RPN2: variants seen among roughly 807,000 people sequenced by gnomAD.
RPN2 encodes ribophorin II.
RPN2 carries 29 observed loss-of-function variants against 71.4 expected under a neutral mutation model. The observed-to-expected ratio is 0.41, with a 90% CI of 0.30 to 0.55. The LOEUF is 0.55. RPN2 is among the 20% of genes least tolerant of loss of function. The pLI is 0.35. For missense variants in RPN2, 726 were observed against 774.1 expected, an observed-to-expected ratio of 0.94 and a Z score of 0.74; for synonymous variants, 308 against 305.0, an observed-to-expected ratio of 1.01 and a Z score of -0.10.
chr20:37,200,331 C>G (rs963069747), intron 4 of RPN2: 34 of 364,718 alleles, frequency 9.3e-5, no homozygotes, highest in Non-Finnish European at 1.6e-4. Context: ...TGGGGCCTGT[C>G]TGTGTTGTCC....
intron 9 of RPN2, among the ~76,000 whole-genome samples, chr20:37,217,162 G>A (rs560320477): frequency 4.0e-4 from 60 of 151,390 alleles, no homozygotes; most frequent in Admixed American, 9.9e-4. Context: ...GAACTCCTGG[G>A]CTCAAGCGAT....
intron 6 of RPN2, among the ~76,000 whole-genome samples, chr20:37,205,634 A>G (rs2067495179): frequency 1.3e-5 from 2 of 152,160 alleles, no homozygotes; most frequent in African/African-American, 4.8e-5. Context: ...TCTTTAAGTA[A>G]ATAGTTATCT....
chr20:37,199,445 C>T (rs552994576), intron 4 of RPN2, among the ~76,000 whole-genome samples: 2 of 152,330 alleles, frequency 1.3e-5, no homozygotes, highest in East Asian at 3.9e-4. Flanking sequence ...CTGCAAGCCT[C>T]GCAGACAGAA....
At chr20:37,235,049 T>C (rs1330758999) in intron 15 of RPN2, among the ~76,000 whole-genome samples, 3 of 152,184 alleles carry the variant, frequency 2.0e-5, no homozygotes, top group African/African-American at 7.2e-5. Context: ...AGTAAACAGA[T>C]TCTGTAGGGG....
In RPN2 at chr20:37,236,658, G is replaced by A. The variant is rs775307113; in HGVS notation, c.1832G>A (p.Ser611Asn). 4 of 1,614,066 alleles carry A rather than the reference G, an allele frequency of 2.5e-6. No homozygotes were observed. The highest frequency in any genetic ancestry group is 1.3e-5 in the African/African-American group (1 of 74,958). Residue 611 changes from serine (S) to asparagine (N), a missense_variant, in exon 16 of 17, where the codon AGT (serine) becomes AAT (asparagine). Coordinates refer to ENST00000237530, the MANE Select transcript of RPN2 (RefSeq NM_002951.5). Reference protein sequence around the residue: ...QTLKYLAILGSVTFLAGNRML... With the variant: ...QTLKYLAILGNVTFLAGNRML... ...TTGAAGTACCTGGCCATCCTGGGCA[G>A]TGTGACGTTTCTGGCTGGCAATCGG...
intron 1 of RPN2, among the ~76,000 whole-genome samples, chr20:37,180,353 G>A (rs2066828653): frequency 6.6e-6 from 1 of 152,188 alleles, no homozygotes; most frequent in African/African-American, 2.4e-5. Context: ...TTACTTTCCT[G>A]GTCTGTGAAA....
intron 6 of RPN2, among the ~76,000 whole-genome samples, chr20:37,205,710 G>A (rs748801805): frequency 8.5e-5 from 13 of 152,136 alleles, no homozygotes; most frequent in Non-Finnish European, 1.6e-4. Context: ...TCATGTGTTT[G>A]CATTCTTTTT....
chr20:37,194,995 G>A (rs1417675802), intron 2 of RPN2, among the ~76,000 whole-genome samples: 1 of 152,144 alleles, frequency 6.6e-6, no homozygotes, highest in Non-Finnish European at 1.5e-5. Flanking sequence ...GAGTTGTAGG[G>A]GAAAACCTAT....
chr20:37,221,195 CTTTTTTTTT>C (rs1176292055), intron 9 of RPN2, among the ~76,000 whole-genome samples: 1 of 135,254 alleles, frequency 7.4e-6, no homozygotes, highest in South Asian at 2.4e-4. Context: ...TTACACAATT[CTTTTTTTTT>C]TTTTTTTTTG....
intron 2 of RPN2, among the ~76,000 whole-genome samples, chr20:37,189,877 A>T (rs188850651): frequency 1.3e-5 from 2 of 152,230 alleles, no homozygotes; most frequent in African/African-American, 4.8e-5. Flanking sequence ...AGTTCAGACA[A>T]TGCCTGGCAC....
rs780221831 is a variant in RPN2, at chr20:37,241,411, T to C, written c.*96T>C. 1 of 1,450,336 alleles carries C rather than the reference T, an allele frequency of 6.9e-7. No individual in the cohort carries two copies. The highest frequency in any genetic ancestry group is 9.4e-7 in the Non-Finnish European group (1 of 1,063,478). The allele number at this position is 1,450,336 out of a possible 1,614,324, so 89.8% of individuals were successfully genotyped here. A position where few individuals can be genotyped will look rare whatever the true frequency, so the allele number is the denominator to read the frequency against. ...AGAAGAAAAATGGAAAAAAAAAACT[T>C]TATTTAAAAAAGAAAAAAGTCCAGA... On this transcript the variant is annotated 3_prime_UTR_variant, in exon 17 of 17. Coordinates refer to ENST00000237530, the MANE Select transcript of RPN2 (RefSeq NM_002951.5).
At chr20:37,230,520 G>A (rs1015172520) in intron 13 of RPN2, among the ~76,000 whole-genome samples, 2 of 152,186 alleles carry the variant, frequency 1.3e-5, no homozygotes, top group African/African-American at 4.8e-5. Flanking sequence ...GAGAATCAAA[G>A]TTGATAACAG....
At chr20:37,188,288 C>T (rs1449645688) in intron 2 of RPN2, among the ~76,000 whole-genome samples, 1 of 152,028 alleles carries the variant, frequency 6.6e-6, no homozygotes. Context: ...CCTGCCTCAG[C>T]CTCCTATAGG....
In RPN2 at chr20:37,203,866, T is replaced by TC; in HGVS notation, c.480-18dup. 3.8e-6 allele frequency: 6 copies of TC among 1,598,880 alleles called. No individual in the cohort carries two copies. Among genetic ancestry groups the TC allele is most frequent in the Non-Finnish European group, 5.1e-6 (6 of 1,166,150 alleles). On this transcript the variant is annotated intron_variant, in intron 4 of 16. Coordinates refer to ENST00000237530, the MANE Select transcript of RPN2 (RefSeq NM_002951.5). The stretch of plus-strand genomic sequence containing the variant: ...AACAAGACTTGCCATTCATTGGGGT[T>TC]CTACTCTTTACCTTCCAGAACAGTC...
At position 37,207,326 on chromosome 20, in the gene RPN2, C is replaced by T; in HGVS notation, c.744C>T (p.Ser248=). 1 of 1,614,056 alleles carries T rather than the reference C, an allele frequency of 6.2e-7. No individual in the cohort carries two copies. The highest frequency in any genetic ancestry group is 8.5e-7 in the Non-Finnish European group (1 of 1,179,884). ...NAIFSKKNFE[S]LSEAFSVASA... is the part of the protein sequence containing the mutation. Reference sequence around the variant, plus strand: ...TCTTCAGCAAGAAGAACTTTGAGTCCCTCTCCGAAGCCTTCAGCGTGGCCT... The same window carrying T: ...TCTTCAGCAAGAAGAACTTTGAGTCTCTCTCCGAAGCCTTCAGCGTGGCCT... The change falls in exon 7 of 17, where the codon TCC becomes TCT. Residue 248 remains serine (S), a synonymous_variant. Coordinates refer to ENST00000237530, the MANE Select transcript of RPN2 (RefSeq NM_002951.5).
chr20:37,238,484 G>C (rs1257685850), intron 16 of RPN2: 8 of 1,532,074 alleles, frequency 5.2e-6, no homozygotes, highest in Non-Finnish European at 7.2e-6. Flanking sequence ...CCAGAAGCAG[G>C]GTCCCTTCCC....
intron 3 of RPN2, 110 bp downstream of exon 3, chr20:37,198,602 T>C (rs2146561983): frequency 1.3e-6 from 2 of 1,524,536 alleles, no homozygotes; most frequent in South Asian, 2.5e-5. Context: ...TCCATTATTG[T>C]GAGTGGGAAT....
chr20:37,236,520 T>C, intron 15 of RPN2, 60 bp from the exon 16 acceptor site: 1 of 1,597,408 alleles, frequency 6.3e-7, no homozygotes, highest in South Asian at 1.1e-5. Flanking sequence ...CTAACTTTCC[T>C]CAACCGCAGG....
At chr20:37,236,467 G>C in intron 15 of RPN2, 113 bp from the exon 16 acceptor site, 1 of 1,107,564 alleles carries the variant, frequency 9.0e-7, no homozygotes. Flanking sequence ...AAACAAGCTG[G>C]TATAGGAGTA....
Sources: gnomAD v4.1 joint callset for allele counts (sites outside exome capture counted in the v4.1 genomes callset) on GRCh38, gnomAD v4.1.1 for gene constraint, MANE v1.5 for transcripts, NCBI Gene and HGNC (gene_info 2026-07-23, HGNC 2026-07-21) for gene names.